The following PALM2AKAP2 variants were observed in gnomAD, a reference collection of about 807,000 sequenced individuals.
PALM2AKAP2 encodes the protein PALM2-AKAP2 fusion protein.
A neutral mutation model predicts 71.5 loss-of-function variants in PALM2AKAP2; 37 were observed. That is an observed-to-expected ratio of 0.52 (90% confidence interval 0.40 to 0.68). The LOEUF is 0.68. PALM2AKAP2 is among the 30% of genes least tolerant of loss of function. The probability of loss-of-function intolerance (pLI) is 0.00; values close to 1 mark genes in which losing one functional copy is unlikely to be tolerated. For synonymous variants in PALM2AKAP2, 468 were observed against 478.8 expected (o/e 0.98, Z 0.29); for missense variants, 1,224 against 1,191.8 (o/e 1.03, Z -0.40).
At chr9:109,728,150 C>T (rs1828503168) in intron 1 of PALM2AKAP2, among the ~76,000 whole-genome samples, 2 of 152,178 alleles carry the variant, frequency 1.3e-5, no homozygotes, top group Admixed American at 6.5e-5. Context: ...GATTGGATAG[C>T]TTAGAATATC....
intron 6 of PALM2AKAP2, among the ~76,000 whole-genome samples, chr9:109,934,155 T>G (rs957314136): frequency 6.6e-6 from 1 of 152,222 alleles, no homozygotes; most frequent in African/African-American, 2.4e-5. Flanking sequence ...ATTCCAATCC[T>G]TTATCCAAAC....
chr9:109,973,213 A>C (rs1446394709), intron 6 of PALM2AKAP2, among the ~76,000 whole-genome samples: 1 of 152,248 alleles, frequency 6.6e-6, no homozygotes, highest in Non-Finnish European at 1.5e-5. Context: ...GGAGCAGTTG[A>C]TCTGGTAGAA....
At chr9:110,042,125 T>C (rs1158732875) in intron 7 of PALM2AKAP2, among the ~76,000 whole-genome samples, 1 of 152,108 alleles carries the variant, frequency 6.6e-6, no homozygotes, top group South Asian at 2.1e-4. Context: ...CGAAAGTTGA[T>C]GGTTAAAATA....
chr9:110,008,098 G>A (rs1488319737), intron 6 of PALM2AKAP2, among the ~76,000 whole-genome samples: 2 of 152,182 alleles, frequency 1.3e-5, no homozygotes, highest in Admixed American at 6.5e-5. Flanking sequence ...GAAAGTTTGA[G>A]TTATACCTGT....
chr9:110,026,887 AC>A (rs1417099719), intron 7 of PALM2AKAP2, among the ~76,000 whole-genome samples: 1 of 152,174 alleles, frequency 6.6e-6, no homozygotes, highest in African/African-American at 2.4e-5. Flanking sequence ...TACTAAAAAT[AC>A]AAAAATTAGC....
chr9:109,948,231 CA>C (rs138239108), intron 6 of PALM2AKAP2, among the ~76,000 whole-genome samples: 6,880 of 152,132 alleles, frequency 0.045, 356 homozygotes, highest in East Asian at 0.26. Flanking sequence ...CAACAAAAAC[CA>C]AAATACTGAT....
chr9:109,886,853 C>T (rs1829977588), intron 3 of PALM2AKAP2, among the ~76,000 whole-genome samples: 1 of 152,180 alleles, frequency 6.6e-6, no homozygotes, highest in South Asian at 2.1e-4. Context: ...AAACTAAAGG[C>T]TAGGTATAAG....
chr9:110,028,611 C>T (rs1204652411), intron 7 of PALM2AKAP2, among the ~76,000 whole-genome samples: 1 of 152,126 alleles, frequency 6.6e-6, no homozygotes, highest in Admixed American at 6.5e-5. Flanking sequence ...GATGGAAGGA[C>T]ACTTTGTAGC....
intron 7 of PALM2AKAP2, among the ~76,000 whole-genome samples, chr9:110,032,129 A>C (rs759712893): frequency 1.3e-5 from 2 of 151,702 alleles, no homozygotes; most frequent in Non-Finnish European, 2.9e-5. Context: ...GGTGTCCTGC[A>C]ATATTAGTTA....
intron 1 of PALM2AKAP2, among the ~76,000 whole-genome samples, chr9:109,819,575 C>T (rs901904060): frequency 6.6e-6 from 1 of 151,802 alleles, no homozygotes; most frequent in African/African-American, 2.4e-5. Flanking sequence ...GACAGAGTGG[C>T]CCCCCAGAAG....
intron 1 of PALM2AKAP2, among the ~76,000 whole-genome samples, chr9:109,676,718 G>C (rs1165409232): frequency 1.3e-5 from 2 of 152,144 alleles, no homozygotes; most frequent in Admixed American, 1.3e-4. Context: ...GCTGAGTTAA[G>C]GAGGGACAGA....
chr9:110,007,719 GAAAA>G (rs1336893999), intron 6 of PALM2AKAP2, among the ~76,000 whole-genome samples: 14 of 152,144 alleles, frequency 9.2e-5, no homozygotes, highest in Admixed American at 6.5e-5. Context: ...AAGGTTCACT[GAAAA>G]ATCAACTCAC....
chr9:110,032,625 C>T (rs1327315770), intron 7 of PALM2AKAP2, among the ~76,000 whole-genome samples: 3 of 151,212 alleles, frequency 2.0e-5, no homozygotes, highest in Non-Finnish European at 4.4e-5. Flanking sequence ...CAGGAGGAGG[C>T]GGCTGCAGTG....
chr9:110,022,394 C>T (rs968924437), intron 7 of PALM2AKAP2, among the ~76,000 whole-genome samples: 1 of 152,126 alleles, frequency 6.6e-6, no homozygotes, highest in Non-Finnish European at 1.5e-5. Context: ...CTGGCCTTCC[C>T]ATGGCTCCTG....
chr9:110,073,414 A>G (rs1459217588), intron 1 of PALM2AKAP2, among the ~76,000 whole-genome samples: 1 of 152,178 alleles, frequency 6.6e-6, no homozygotes, highest in Non-Finnish European at 1.5e-5. Context: ...CAGCTTTTAT[A>G]GGGTGTTTTA....
At chr9:110,048,484 CTG>C, upstream of PALM2AKAP2, 1 of 545,800 alleles carries the variant, frequency 1.8e-6, no homozygotes, top group Non-Finnish European at 3.2e-6. Context: ...TCTCCAGTCT[CTG>C]CATTCATTCA....
intron 1 of PALM2AKAP2, among the ~76,000 whole-genome samples, chr9:110,125,255 T>C (rs1835571756): frequency 1.3e-5 from 2 of 152,178 alleles, no homozygotes; most frequent in Admixed American, 6.5e-5. Flanking sequence ...TGGTAGCTGA[T>C]TCACATCAAT....
intron 7 of PALM2AKAP2, among the ~76,000 whole-genome samples, chr9:110,021,633 T>C (rs1406029125): frequency 2.6e-5 from 4 of 152,170 alleles, no homozygotes; most frequent in Non-Finnish European, 5.9e-5. Context: ...ACTAACTTTT[T>C]TCAGCCTATA....
At chr9:109,698,264 T>C (rs1349686569) in intron 1 of PALM2AKAP2, among the ~76,000 whole-genome samples, 1 of 151,022 alleles carries the variant, frequency 6.6e-6, no homozygotes, top group Non-Finnish European at 1.5e-5. Context: ...CACCTGCATG[T>C]GTGCTACATT....
Sources: allele counts gnomAD v4.1 joint callset (sites outside exome capture counted in the v4.1 genomes callset), GRCh38; gene constraint gnomAD v4.1.1; transcripts MANE v1.5; gene names NCBI Gene and HGNC (gene_info 2026-07-23, HGNC 2026-07-21).